The following SATL1 variants were observed in gnomAD, a reference collection of about 807,000 sequenced individuals.
The protein encoded by SATL1 is spermidine/spermine N(1)-acetyltransferase-like protein 1.
Under a neutral mutation model 51.8 loss-of-function variants are expected in SATL1, and 47 were observed. The ratio of observed to expected loss-of-function variants is 0.91; its 90% CI spans 0.72 to 1.16. The LOEUF (loss-of-function observed/expected upper bound fraction) is 1.16. Among genes scored for constraint, SATL1 ranks in the 50% most tolerant of loss-of-function variants. The pLI is 0.00. For missense variants in SATL1, 520 were observed against 526.4 expected, an observed-to-expected ratio of 0.99 and a Z score of 0.12; for synonymous variants, 176 against 182.4, an observed-to-expected ratio of 0.97 and a Z score of 0.28.
chrX:85,163,052 G>C (rs1926759460), intron 2 of SATL1, among the ~76,000 whole-genome samples: 1 of 108,727 alleles, frequency 9.2e-6, no homozygotes, highest in Non-Finnish European at 1.9e-5. Context: ...GGTGATACTG[G>C]CTTCATAGAA....
At chrX:85,133,788 A>G (rs774114305) in intron 2 of SATL1, among the ~76,000 whole-genome samples, 15 of 111,897 alleles carry the variant, frequency 1.3e-4, no homozygotes, top group African/African-American at 4.9e-4. Context: ...TCTTGGACCA[A>G]TCCTCTGAAG....
chrX:85,197,835 T>C (rs1215955251), intron 2 of SATL1, among the ~76,000 whole-genome samples: 1 of 110,836 alleles, frequency 9.0e-6, no homozygotes, highest in Non-Finnish European at 1.9e-5. Context: ...GCTCATCATT[T>C]TTTATGGCTG....
intron 1 of SATL1, among the ~76,000 whole-genome samples, chrX:85,227,859 T>C (rs930201311): frequency 3.6e-5 from 4 of 111,572 alleles, no homozygotes; most frequent in Non-Finnish European, 7.6e-5. Context: ...TATTAAGGAA[T>C]TATTGTTAAT....
intron 2 of SATL1, among the ~76,000 whole-genome samples, chrX:85,213,897 G>A (rs1311486150): frequency 9.0e-6 from 1 of 110,998 alleles, no homozygotes; most frequent in Non-Finnish European, 1.9e-5. Context: ...CAATACATGT[G>A]GAAACTCAAA....
At chrX:85,233,867 T>C (rs1222975235) in intron 1 of SATL1, among the ~76,000 whole-genome samples, 2 of 111,482 alleles carry the variant, frequency 1.8e-5, no homozygotes, top group Admixed American at 9.5e-5. Context: ...GAGATCAGGA[T>C]AGACAGCTTG....
chrX:85,149,985 A>C (rs754910480), intron 2 of SATL1, among the ~76,000 whole-genome samples: 153 of 112,084 alleles, frequency 1.4e-3, no homozygotes, highest in African/African-American at 4.7e-3. Flanking sequence ...TGAAAGAAAT[A>C]GAAATACAAA....
intron 2 of SATL1, among the ~76,000 whole-genome samples, chrX:85,113,228 T>C (rs762550230): frequency 3.6e-5 from 4 of 111,325 alleles, no homozygotes; most frequent in Non-Finnish European, 7.5e-5. Flanking sequence ...TATCCCTCAC[T>C]GAGGATCATT....
At chrX:85,237,379 C>A (rs1928501365) in intron 1 of SATL1, among the ~76,000 whole-genome samples, 1 of 111,109 alleles carries the variant, frequency 9.0e-6, no homozygotes, top group Admixed American at 9.5e-5. Flanking sequence ...AATAGAGAAC[C>A]AATTCTGAAT....
intron 6 of SATL1, chrX:85,093,439 A>G (rs981816934): frequency 2.5e-4 from 98 of 387,909 alleles, no homozygotes; most frequent in Non-Finnish European, 6.3e-5. Flanking sequence ...TATTTTAAAG[A>G]TCAGTGAAGA....
At chrX:85,155,222 G>T (rs1317799209) in intron 2 of SATL1, among the ~76,000 whole-genome samples, 1 of 111,154 alleles carries the variant, frequency 9.0e-6, no homozygotes, top group Non-Finnish European at 1.9e-5. Context: ...TTTGACAGAG[G>T]TTGGAAACCC....
intron 1 of SATL1, among the ~76,000 whole-genome samples, chrX:85,231,208 A>G (rs1928375647): frequency 8.9e-6 from 1 of 112,340 alleles, no homozygotes; most frequent in Admixed American, 9.4e-5. Flanking sequence ...TGCATACAAA[A>G]GAATACTATT....
Position 85,094,968 on chromosome X carries a change from A to T in SATL1, c.1722T>A (p.Asn574Lys), listed in dbSNP as rs753562328. ...ADLLRDGFGD[N>K]PLFYCLIAEV... is the part of the protein sequence containing the mutation. Reference sequence around the variant, plus strand: ...CTGCAATCAGGCAGTAGAAAAGGGGATTGTCCCCAAAGCCATCTCTGAGTA... The same window carrying T: ...CTGCAATCAGGCAGTAGAAAAGGGGTTTGTCCCCAAAGCCATCTCTGAGTA... The change falls in exon 5 of 8, where the codon AAT becomes AAA. Residue 574 changes from asparagine to lysine, a missense_variant. Transcript: ENST00000644105. The T allele has an allele frequency of 8.5e-7, 1 of 1,173,229 alleles. No individual in the cohort carries two copies. Among genetic ancestry groups the T allele is most frequent in the East Asian group, 3.0e-5 (1 of 33,673 alleles).
intron 2 of SATL1, among the ~76,000 whole-genome samples, chrX:85,153,117 A>G (rs1926503380): frequency 9.0e-6 from 1 of 111,290 alleles, no homozygotes; most frequent in South Asian, 3.8e-4. Flanking sequence ...AAACACTAGA[A>G]GTTCATATAT....
intron 2 of SATL1, among the ~76,000 whole-genome samples, chrX:85,189,723 G>A (rs1301162874): frequency 8.9e-6 from 1 of 111,979 alleles, no homozygotes; most frequent in African/African-American, 3.2e-5. Context: ...ATATTCAATT[G>A]GTATTCATTG....
intron 2 of SATL1, among the ~76,000 whole-genome samples, chrX:85,162,352 G>A (rs1926740703): frequency 9.0e-6 from 1 of 111,044 alleles, no homozygotes; most frequent in Non-Finnish European, 1.9e-5. Flanking sequence ...CCATTCAAAA[G>A]ATCAATCAGT....
chrX:85,200,340 T>C (rs141920074), intron 2 of SATL1, among the ~76,000 whole-genome samples: 3,182 of 112,022 alleles, frequency 0.028, 115 homozygotes, highest in African/African-American at 0.097. Flanking sequence ...ACATAAATAA[T>C]TGAAGAAGTG....
At chrX:85,217,486 G>T (rs1240633137) in intron 2 of SATL1, among the ~76,000 whole-genome samples, 1 of 111,285 alleles carries the variant, frequency 9.0e-6, no homozygotes, top group Non-Finnish European at 1.9e-5. Context: ...GAAAGATAGT[G>T]CCCAAGACAA....
chrX:85,186,889 A>G (rs1299430393), intron 2 of SATL1, among the ~76,000 whole-genome samples: 1 of 111,921 alleles, frequency 8.9e-6, no homozygotes, highest in Non-Finnish European at 1.9e-5. Context: ...GTATCTATTC[A>G]GCCATCTTGC....
At chrX:85,178,627 A>AAAAC (rs200030021) in intron 2 of SATL1, among the ~76,000 whole-genome samples, 3 of 107,649 alleles carry the variant, frequency 2.8e-5, no homozygotes, top group East Asian at 2.8e-4. Context: ...AAAAAAAACA[A>AAAAC]AAACAAACAA....
Sources: gnomAD v4.1 joint callset for allele counts (sites outside exome capture counted in the v4.1 genomes callset) on GRCh38, gnomAD v4.1.1 for gene constraint, MANE v1.5 for transcripts, NCBI Gene and HGNC (gene_info 2026-07-23, HGNC 2026-07-21) for gene names.